Variants in MTPAP observed in about 807,000 individuals in gnomAD.
MTPAP encodes mitochondrial poly(A) polymerase.
A neutral mutation model predicts 48.7 loss-of-function variants in MTPAP; 23 were observed. The ratio of observed to expected loss-of-function variants is 0.47; its 90% CI spans 0.34 to 0.67. The LOEUF (loss-of-function observed/expected upper bound fraction) is 0.67, where lower values mean the gene tolerates loss of function less well. Ranked by LOEUF, MTPAP falls within the 30% of genes least tolerant of loss-of-function variation. MTPAP has a pLI of 0.01. For synonymous variants in MTPAP, 257 were observed against 254.1 expected, an observed-to-expected ratio of 1.01 and a Z score of -0.11; for missense variants, 614 against 694.3, an observed-to-expected ratio of 0.88 and a Z score of 1.30.
intron 4 of MTPAP, among the ~76,000 whole-genome samples, chr10:30,330,915 C>A (rs551419521): frequency 6.6e-6 from 1 of 152,274 alleles, no homozygotes; most frequent in South Asian, 2.1e-4. Context: ...GTCTAGAGTG[C>A]CCATGCTGAC....
intron 1 of MTPAP, among the ~76,000 whole-genome samples, chr10:30,346,043 G>GAAAAA (rs59035967): frequency 1.6e-5 from 1 of 64,140 alleles, no homozygotes; most frequent in Non-Finnish European, 3.3e-5. Flanking sequence ...CTTCTCAAAA[G>GAAAAA]AAAAAAAAAA....
At chr10:30,314,909 G>GAAA (rs1840643409) in intron 8 of MTPAP, among the ~76,000 whole-genome samples, 3 of 138,626 alleles carry the variant, frequency 2.2e-5, no homozygotes, top group Non-Finnish European at 3.0e-5. Flanking sequence ...AAAAAAAGAA[G>GAAA]AGAAAAGAAA....
chr10:30,313,636 C>T lies in MTPAP; in HGVS notation c.1722G>A (p.Gly574=). The T allele has an allele frequency of 1.9e-6, 3 of 1,614,172 alleles. No homozygotes were observed. The highest frequency in any genetic ancestry group is 1.7e-5 in the Admixed American group (1 of 60,032). Residue 574 remains glycine, a synonymous_variant, in exon 9 of 9, where the codon GGG becomes GGA. Transcript: ENST00000263063. The part of the protein sequence containing the change: ...NRTENFTKTS[G]KRTISTQT ...ATGTCTGAGTACTAATTGTTCTCTT[C>T]CCACTGGTTTTTGTGAAATTTTCTG...
chr10:30,313,808 G>A lies in MTPAP; in HGVS notation c.1550C>T (p.Pro517Leu), dbSNP rs140416149. 86 of 1,614,090 alleles carry A rather than the reference G, an allele frequency of 5.3e-5. No homozygotes were observed. Among genetic ancestry groups the A allele is most frequent in the Middle Eastern group, 4.9e-4 (3 of 6,084 alleles). The change falls in exon 9 of 9, where the codon CCT becomes CTT. Residue 517 changes from proline (P) to leucine (L), a missense_variant. Around this residue, in one of 5 missense-constraint regions of MTPAP, gnomAD observed 109 missense variants for 100.5 expected, o/e 1.08. Coordinates refer to ENST00000263063, the MANE Select transcript of MTPAP (RefSeq NM_018109.4). ...WILQQEDTDRPSISSNRPWGL... is the reference protein window; with the variant it reads ...WILQQEDTDRLSISSNRPWGL... The stretch of plus-strand genomic sequence containing the variant: ...CCAGGGCCGATTACTTGATATGGAA[G>A]GTCGATCTGTATCTTCCTGTTGTAA...
chr10:30,344,715 T>C (rs961018389), intron 1 of MTPAP, among the ~76,000 whole-genome samples: 3 of 152,226 alleles, frequency 2.0e-5, no homozygotes, highest in African/African-American at 7.2e-5. Flanking sequence ...ATTTTCTTTT[T>C]TATTTTCCAG....
rs1211527105 is a variant in MTPAP at position 30,313,425 on chromosome 10, T to C, written c.*184A>G. 5.1e-6 allele frequency: 4 copies of C among 777,832 alleles called. No individual in the cohort carries two copies. In the East Asian group the frequency reaches 1.0e-4, roughly 20 times the overall value. The allele number at this position is 777,832 out of a possible 1,614,324, so 48.2% of individuals were successfully genotyped here. A position where few individuals can be genotyped will look rare whatever the true frequency, so the allele number is the denominator to read the frequency against. ...TGTTTTAATAAAGTGCCACTGAGTA[T>C]CAGACTGATCAAACTGAAAACATCC... On this transcript the variant is annotated 3_prime_UTR_variant, in exon 9 of 9. Transcript: ENST00000263063.
intron 6 of MTPAP, among the ~76,000 whole-genome samples, chr10:30,316,642 A>T (rs813758): frequency 1.3e-5 from 2 of 150,874 alleles, no homozygotes; most frequent in African/African-American, 4.9e-5. Flanking sequence ...GTAATCCCAG[A>T]ACTTTGGAAG....
intron 1 of MTPAP, 197 bp downstream of exon 1, chr10:30,348,922 C>T (rs983513554): frequency 1.5e-6 from 1 of 688,396 alleles, no homozygotes; most frequent in Non-Finnish European, 2.4e-6. Flanking sequence ...ACAAACATCA[C>T]ACATCTCACT....
intron 4 of MTPAP, among the ~76,000 whole-genome samples, chr10:30,336,112 A>G (rs1834727922): frequency 6.6e-6 from 1 of 152,238 alleles, no homozygotes; most frequent in Non-Finnish European, 1.5e-5. Flanking sequence ...CAGCAGTAAC[A>G]ATAAACATAT....
intron 3 of MTPAP, among the ~76,000 whole-genome samples, chr10:30,339,129 A>G (rs1289307782): frequency 6.6e-6 from 1 of 151,786 alleles, no homozygotes; most frequent in Admixed American, 6.6e-5. Context: ...TCTCAAAACA[A>G]AAACAAAAAC....
intron 6 of MTPAP, among the ~76,000 whole-genome samples, chr10:30,317,842 G>A (rs1840679244): frequency 6.6e-6 from 1 of 152,024 alleles, no homozygotes; most frequent in South Asian, 2.1e-4. Context: ...TCAATAATCT[G>A]GATGACTGCT....
At chr10:30,328,284 G>A (rs886567444) in intron 4 of MTPAP, among the ~76,000 whole-genome samples, 2 of 152,174 alleles carry the variant, frequency 1.3e-5, no homozygotes, top group Non-Finnish European at 1.5e-5. Flanking sequence ...TTTCAGCCTG[G>A]TAAAGACAAA....
chr10:30,342,925 T>C (rs1834828779), intron 1 of MTPAP, among the ~76,000 whole-genome samples: 1 of 152,094 alleles, frequency 6.6e-6, no homozygotes, highest in Non-Finnish European at 1.5e-5. Context: ...CAGTGAAGAA[T>C]TAAATATTAA....
intron 5 of MTPAP, among the ~76,000 whole-genome samples, chr10:30,325,072 A>C (rs1834567873): frequency 6.6e-6 from 1 of 152,184 alleles, no homozygotes; most frequent in South Asian, 2.1e-4. Flanking sequence ...ATGAAAATGA[A>C]GCTAAATTAA....
chr10:30,328,312 C>T (rs1306380274), intron 4 of MTPAP, among the ~76,000 whole-genome samples: 1 of 152,214 alleles, frequency 6.6e-6, no homozygotes, highest in Non-Finnish European at 1.5e-5. Flanking sequence ...GTGACCAGAA[C>T]TAACGCGTAT....
In MTPAP at chr10:30,340,371, G is replaced by A; in HGVS notation, c.410C>T (p.Ala137Val). Reference protein sequence around the residue: ...LQNGTHTPSTAMETAIPFRSR... With the variant: ...LQNGTHTPSTVMETAIPFRSR... ...TCTGAATGGAATTGCAGTCTCCATGGCCGTGCTTGGAGTATGAGTCCCATT... is the reference window on the plus strand; with the variant it reads ...TCTGAATGGAATTGCAGTCTCCATGACCGTGCTTGGAGTATGAGTCCCATT... The change falls in exon 3 of 9, where the codon GCC becomes GTC. Residue 137 changes from alanine (A) to valine (V), a missense_variant. Coordinates refer to ENST00000263063, the MANE Select transcript of MTPAP (RefSeq NM_018109.4). 2 of 1,614,074 alleles carry A rather than the reference G, an allele frequency of 1.2e-6. No individual in the cohort carries two copies. Among genetic ancestry groups the A allele is most frequent in the Non-Finnish European group, 1.7e-6 (2 of 1,179,984 alleles).
rs1588715338 is a variant in MTPAP, at chr10:30,326,493, G to A, written c.923C>T (p.Ala308Val). 6.2e-7 allele frequency: 1 copy of A among 1,614,098 alleles called. No homozygotes were observed. The highest frequency in any genetic ancestry group is 1.3e-5 in the African/African-American group (1 of 75,010). The change falls in exon 5 of 9, where the codon GCC becomes GTC. Residue 308 changes from alanine to valine, a missense_variant. Coordinates refer to ENST00000263063, the MANE Select transcript of MTPAP (RefSeq NM_018109.4). ...TGAGAACCTCACGAGCGGACACCGG[G>A]CATTTAATATTTTTTGCACACCCAC... ...GCVGVQKILNARCPLVRFSHQ... is the reference protein window; with the variant it reads ...GCVGVQKILNVRCPLVRFSHQ...
At chr10:30,332,443 AC>A (rs1422373178) in intron 4 of MTPAP, among the ~76,000 whole-genome samples, 2 of 151,864 alleles carry the variant, frequency 1.3e-5, no homozygotes, top group Non-Finnish European at 1.5e-5. Flanking sequence ...ATAGGCTCCC[AC>A]CACCACGCCC....
At chr10:30,343,921 C>G (rs1280076396) in intron 1 of MTPAP, among the ~76,000 whole-genome samples, 2 of 152,168 alleles carry the variant, frequency 1.3e-5, no homozygotes, top group African/African-American at 4.8e-5. Context: ...AATGACAATT[C>G]TTTAACATCA....
Sources: gnomAD v4.1 joint callset for allele counts (sites outside exome capture counted in the v4.1 genomes callset) on GRCh38, gnomAD v4.1.1 for gene constraint, gnomAD v4.1.1 regional missense constraint, MANE v1.5 for transcripts, NCBI Gene and HGNC (gene_info 2026-07-23, HGNC 2026-07-21) for gene names.